RNF128: variants seen among roughly 807,000 people sequenced by gnomAD.
The protein encoded by RNF128 is E3 ubiquitin-protein ligase RNF128.
In RNF128, 13 loss-of-function variants were observed where a neutral mutation model predicts 26.2. The ratio of observed to expected loss-of-function variants is 0.50; its 90% CI spans 0.32 to 0.79. The LOEUF (loss-of-function observed/expected upper bound fraction) is 0.79. RNF128 is among the 30% of genes least tolerant of loss of function. RNF128 has a pLI of 0.03. For missense variants in RNF128, 315 were observed against 349.7 expected (o/e 0.90, Z 0.79); for synonymous variants, 149 against 142.5 (o/e 1.05, Z -0.32).
intron 2 of RNF128, among the ~76,000 whole-genome samples, chrX:106,783,742 C>G (rs2147700081): frequency 9.0e-6 from 1 of 111,545 alleles, no homozygotes; most frequent in East Asian, 2.8e-4. Context: ...GTTCTGCAGG[C>G]TATACAAGAA....
At chrX:106,786,023 C>A (rs1930652547) in intron 3 of RNF128, among the ~76,000 whole-genome samples, 1 of 111,729 alleles carries the variant, frequency 9.0e-6, no homozygotes, top group Non-Finnish European at 1.9e-5. Flanking sequence ...GGATTTGATG[C>A]AGTTTCAATA....
upstream of RNF128, among the ~76,000 whole-genome samples, chrX:106,722,595 C>T (rs189896801): frequency 1.2e-4 from 13 of 111,947 alleles, no homozygotes; most frequent in East Asian, 3.7e-3. Context: ...TTGTTGCAGT[C>T]ATGATCTACA....
intron 1 of RNF128, among the ~76,000 whole-genome samples, chrX:106,719,143 C>G (rs1929268136): frequency 8.9e-6 from 1 of 111,738 alleles, no homozygotes; most frequent in Non-Finnish European, 1.9e-5. Flanking sequence ...GAGCCCCAGC[C>G]TTATTAGAAA....
At chrX:106,755,375 C>T (rs370066538) in intron 1 of RNF128, among the ~76,000 whole-genome samples, 3 of 110,738 alleles carry the variant, frequency 2.7e-5, no homozygotes, top group Non-Finnish European at 3.8e-5. Context: ...TCTGAAAAAA[C>T]GGAGCAGGAA....
chrX:106,696,882 G>T (rs754792313), intron 1 of RNF128, among the ~76,000 whole-genome samples: 8 of 111,997 alleles, frequency 7.1e-5, no homozygotes, highest in Non-Finnish European at 1.3e-4. Context: ...AAACCACAGG[G>T]CATCCTACTA....
At chrX:106,709,866 A>G (rs1797044402) in intron 1 of RNF128, among the ~76,000 whole-genome samples, 1 of 111,719 alleles carries the variant, frequency 9.0e-6, no homozygotes, top group Admixed American at 9.5e-5. Context: ...TCTTATGGGA[A>G]TATTTTTATT....
At chrX:106,763,608 G>A (rs1261132941) in intron 1 of RNF128, among the ~76,000 whole-genome samples, 1 of 111,893 alleles carries the variant, frequency 8.9e-6, no homozygotes, top group African/African-American at 3.2e-5. Flanking sequence ...CCGGGTTCAC[G>A]CCATTCTCCT....
In RNF128 at chrX:106,790,176, C is replaced by G. The variant is rs762062578; in HGVS notation, c.888-10C>G. 1 of 1,135,050 alleles carries G rather than the reference C, an allele frequency of 8.8e-7. No homozygotes were observed. The highest frequency in any genetic ancestry group is 1.2e-6 in the Non-Finnish European group (1 of 833,212). 93.5% of individuals were successfully genotyped at this position (1,135,050 alleles called of 1,213,427 possible). A position where few individuals can be genotyped will look rare whatever the true frequency, so the allele number is the denominator to read the frequency against. The stretch of plus-strand genomic sequence containing the variant: ...TTACAACTGATAATTATGTTTTTTT[C>G]CTGAATTAGCCATATTTTCCATAAG... On this transcript the variant is annotated splice_polypyrimidine_tract_variant and intron_variant, in intron 4 of 6. Transcript: ENST00000255499.
chrX:106,738,542 A>C (rs1264407447), intron 1 of RNF128, among the ~76,000 whole-genome samples: 1 of 111,925 alleles, frequency 8.9e-6, no homozygotes, highest in Non-Finnish European at 1.9e-5. Flanking sequence ...AAACGACTAT[A>C]TTATCTTCCT....
intron 1 of RNF128, among the ~76,000 whole-genome samples, chrX:106,706,653 A>G (rs1929047589): frequency 1.8e-5 from 2 of 111,947 alleles, no homozygotes; most frequent in Admixed American, 1.9e-4. Context: ...TCTGAATTTC[A>G]GTCTTCTTAT....
At chrX:106,722,004 T>G (rs1929321627), upstream of RNF128, among the ~76,000 whole-genome samples, 1 of 111,329 alleles carries the variant, frequency 9.0e-6, no homozygotes, top group Non-Finnish European at 1.9e-5. Flanking sequence ...AGGGAATATA[T>G]TTGGGACTAG....
At chrX:106,788,029 A>G (rs746655143) in intron 4 of RNF128, 29 bp downstream of exon 4, 78 of 909,509 alleles carry the variant, frequency 8.6e-5, no homozygotes, top group Non-Finnish European at 1.1e-4. Flanking sequence ...TATATCTTCA[A>G]TAAAATAGCT....
chrX:106,765,875 C>G (rs908274792), intron 1 of RNF128, among the ~76,000 whole-genome samples: 6 of 102,133 alleles, frequency 5.9e-5, no homozygotes, highest in South Asian at 5.0e-4. Flanking sequence ...CCCAGCCCCC[C>G]ACCCCACGAC....
intron 1 of RNF128, among the ~76,000 whole-genome samples, chrX:106,768,452 A>T (rs1930296036): frequency 9.0e-6 from 1 of 111,470 alleles, no homozygotes; most frequent in South Asian, 3.8e-4. Flanking sequence ...GGGAGGGTGT[A>T]TGTGTCGAGG....
At chrX:106,777,860 CTTGGG>C in intron 2 of RNF128, among the ~76,000 whole-genome samples, 1 of 110,947 alleles carries the variant, frequency 9.0e-6, no homozygotes, top group South Asian at 3.9e-4. Flanking sequence ...GTCCCAGCTA[CTTGGG>C]AGGCTGAGGT....
intron 5 of RNF128, 109 bp from the exon 6 acceptor site, chrX:106,790,957 G>A (rs1276503360): frequency 2.9e-6 from 2 of 681,089 alleles, no homozygotes; most frequent in Non-Finnish European, 4.5e-6. Context: ...GGTTTAAAAG[G>A]TTAAGAAATA....
At chrX:106,720,815 A>G (rs1929297743) in intron 1 of RNF128, among the ~76,000 whole-genome samples, 1 of 111,469 alleles carries the variant, frequency 9.0e-6, no homozygotes, top group African/African-American at 3.3e-5. Context: ...ATAGGATATC[A>G]TTACCTGTTG....
Position 106,748,120 on chromosome X carries a change from C to T in RNF128, c.484+20723C>T, listed in dbSNP as rs189693661. 1.4e-4 allele frequency among the ~76,000 whole-genome samples: 16 copies of T among 112,236 alleles called. 1 individual carries two copies. The highest frequency in any genetic ancestry group is 1.0e-3 in the Admixed American group (11 of 10,616). ...ACTGAGCTATGTAACCCATTTTTGG[C>T]TTCTTAAGCCTGGTACTTTCCAAAG... On this transcript the variant is annotated intron_variant, in intron 1 of 6. Coordinates refer to ENST00000255499, the MANE Select transcript of RNF128 (RefSeq NM_194463.2).
intron 1 of RNF128, among the ~76,000 whole-genome samples, chrX:106,704,890 T>C (rs913707866): frequency 2.4e-4 from 27 of 111,910 alleles, no homozygotes; most frequent in African/African-American, 8.8e-4. Flanking sequence ...GTATGGTACT[T>C]GGTTTATCAA....
Sources: allele counts gnomAD v4.1 joint callset (sites outside exome capture counted in the v4.1 genomes callset), GRCh38; gene constraint gnomAD v4.1.1; transcripts MANE v1.5; gene names NCBI Gene and HGNC (gene_info 2026-07-23, HGNC 2026-07-21).